SLC25A36: variants seen among roughly 807,000 people sequenced by gnomAD.
The protein encoded by SLC25A36 is solute carrier family 25 member 36, also known as epididymis secretory sperm binding protein.
SLC25A36 carries 24 observed loss-of-function variants against 35.3 expected under a neutral mutation model. The ratio of observed to expected loss-of-function variants is 0.68; its 90% CI spans 0.49 to 0.96. The LOEUF (loss-of-function observed/expected upper bound fraction) is 0.96, where lower values mean the gene tolerates loss of function less well. Among genes scored for constraint, SLC25A36 ranks in the 40% least tolerant of loss-of-function variants. The pLI, the probability that SLC25A36 is intolerant of heterozygous loss-of-function variation, is 0.00. For missense variants in SLC25A36, 294 were observed against 381.1 expected, an observed-to-expected ratio of 0.77 and a Z score of 1.90; for synonymous variants, 141 against 132.2, an observed-to-expected ratio of 1.07 and a Z score of -0.46.
At chr3:140,960,317 C>T (rs984424226) in intron 3 of SLC25A36, among the ~76,000 whole-genome samples, 3 of 152,166 alleles carry the variant, frequency 2.0e-5, no homozygotes, top group Admixed American at 2.0e-4. Flanking sequence ...AATTTTGACT[C>T]TAAGAAAGGT....
chr3:140,956,850 G>A (rs1382871565), intron 2 of SLC25A36, 159 bp downstream of exon 2: 5 of 1,194,386 alleles, frequency 4.2e-6, no homozygotes, highest in Non-Finnish European at 5.4e-6. Flanking sequence ...AATCCCTAAT[G>A]GAGAAGAACA....
chr3:140,967,693 C>T (rs1035442945), intron 4 of SLC25A36, among the ~76,000 whole-genome samples: 20 of 151,864 alleles, frequency 1.3e-4, no homozygotes, highest in African/African-American at 4.8e-4. Flanking sequence ...TTTTTAATTG[C>T]TCGACACTAT....
chr3:140,966,717 A>G (rs1307380915), intron 4 of SLC25A36: 2 of 353,012 alleles, frequency 5.7e-6, no homozygotes, highest in Admixed American at 7.5e-5. Flanking sequence ...TTAGATTCTG[A>G]AACTGCTGCA....
At chr3:140,965,507 G>A (rs1306807331) in intron 4 of SLC25A36, 7 of 151,754 alleles carry the variant, frequency 4.6e-5, no homozygotes, top group East Asian at 1.9e-4. Context: ...GGCACTGTAC[G>A]TAATTTTTAT....
rs145204732 is a variant in SLC25A36, at chr3:140,977,875, G to C, written c.*1422G>C. 2.6e-5 allele frequency: 4 copies of C among 151,568 alleles called. No homozygotes were observed. The highest frequency in any genetic ancestry group is 9.7e-5 in the African/African-American group (4 of 41,214). 9.4% of individuals were successfully genotyped at this position (151,568 alleles called of 1,614,324 possible). On this transcript the variant is annotated 3_prime_UTR_variant, in exon 7 of 7. Coordinates refer to ENST00000324194, the MANE Select transcript of SLC25A36 (RefSeq NM_001104647.3). ...GAATGACGCTTCGTGAAAGCACTTT[G>C]TGGCCTTTTTTGGGGGGGAGGGTGA...
At position 140,963,166 on chromosome 3, in the gene SLC25A36, G is replaced by T. The variant is rs1195000446; in HGVS notation, c.324G>T (p.Lys108Asn). ...YFAAYSNCKEKLNDVFDPDST... is the reference protein window; with the variant it reads ...YFAAYSNCKENLNDVFDPDST... ...CTGCTTATTCAAACTGCAAGGAAAA[G>T]TTGAATGATGTATTTGATCCTGATT... is the stretch of plus-strand genomic sequence containing the variant. The change falls in exon 4 of 7, where the codon AAG (lysine) becomes AAT (asparagine). Residue 108 changes from lysine (K) to asparagine (N), a missense_variant. Around this residue, in one of 2 missense-constraint regions of SLC25A36, gnomAD observed 185 missense variants for 201.5 expected, o/e 0.92. Transcript: ENST00000324194. 3 of 1,593,102 alleles carry T rather than the reference G, an allele frequency of 1.9e-6. No homozygotes were observed. Among genetic ancestry groups the T allele is most frequent in the African/African-American group, 2.7e-5 (2 of 73,554 alleles).
At position 140,950,916 on chromosome 3, in the gene SLC25A36, GTC is replaced by G. The variant is rs1364946604; in HGVS notation, c.42-5609_42-5608del. ...TGTGTGTCTCTGTGTGTGTCTGTGT[GTC>G]TGTGTGTGTGTGTGTGTGTGTGTAA... On this transcript the variant is annotated intron_variant, in intron 1 of 6. Coordinates refer to ENST00000324194, the MANE Select transcript of SLC25A36 (RefSeq NM_001104647.3). 6.9e-3 allele frequency among the ~76,000 whole-genome samples: 817 copies of G among 119,134 alleles called. 3 individuals carry two copies. The highest frequency in any genetic ancestry group is 0.015 in the African/African-American group (381 of 26,218). The allele number at this position is 119,134 out of a possible 152,430, so 78.2% of individuals were successfully genotyped here.
chr3:140,955,196 A>G (rs1437501699), intron 1 of SLC25A36, among the ~76,000 whole-genome samples: 2 of 152,104 alleles, frequency 1.3e-5, no homozygotes, highest in Admixed American at 1.3e-4. Flanking sequence ...AATTTCTTTT[A>G]CATTCTATTC....
intron 4 of SLC25A36, chr3:140,966,238 T>G (rs959283557): frequency 6.1e-6 from 1 of 165,016 alleles, no homozygotes; most frequent in African/African-American, 2.4e-5. Context: ...TATGAAATAT[T>G]TTTTAAAAAT....
intron 1 of SLC25A36, chr3:140,942,644 C>G (rs894185436): frequency 6.6e-6 from 1 of 152,256 alleles, no homozygotes; most frequent in Admixed American, 6.5e-5. Flanking sequence ...GCCCTCGCTC[C>G]TTGCAGCGCT....
At position 140,957,239 on chromosome 3, in the gene SLC25A36, C is replaced by T. The variant is rs546648589; in HGVS notation, c.206+548C>T. Among the ~76,000 whole-genome samples, 5 of 152,270 alleles carry T rather than the reference C, an allele frequency of 3.3e-5. No individual in the cohort carries two copies. In the East Asian group the frequency reaches 7.7e-4, roughly 23 times the overall value. ...TTTCAAAACTATTAAAATTAGGTTT[C>T]GTATGTTTATACTTGTAAATAATGG... On this transcript the variant is annotated intron_variant, in intron 2 of 6. Transcript: ENST00000324194.
rs149690061 is a variant in SLC25A36 at position 140,977,559 on chromosome 3, A to G, written c.*1106A>G. ...ATGAACAAACTGCTTTTGACAAGAA[A>G]TTTATTCTGTCCTAGTTTCCTGCGT... On this transcript the variant is annotated 3_prime_UTR_variant, in exon 7 of 7. Coordinates refer to ENST00000324194, the MANE Select transcript of SLC25A36 (RefSeq NM_001104647.3). 3.9e-5 allele frequency: 6 copies of G among 152,310 alleles called. No individual in the cohort carries two copies. The highest frequency in any genetic ancestry group is 1.2e-4 in the African/African-American group (5 of 41,584). The allele number at this position is 152,310 out of a possible 1,614,324, so 9.4% of individuals were successfully genotyped here. A position where few individuals can be genotyped will look rare whatever the true frequency, so the allele number is the denominator to read the frequency against.
intron 1 of SLC25A36, among the ~76,000 whole-genome samples, chr3:140,947,920 A>G (rs1247341096): frequency 6.6e-6 from 1 of 152,174 alleles, no homozygotes; most frequent in African/African-American, 2.4e-5. Flanking sequence ...AATGATTTGT[A>G]TAGAATTTCA....
At chr3:140,972,707 C>T (rs1431838130) in intron 5 of SLC25A36, 1 of 151,944 alleles carries the variant, frequency 6.6e-6, no homozygotes, top group East Asian at 1.9e-4. Context: ...TTTTAACTTT[C>T]TTGTGAGGAA....
intron 4 of SLC25A36, chr3:140,964,702 A>G (rs1350173922): frequency 3.3e-5 from 5 of 151,916 alleles, no homozygotes; most frequent in African/African-American, 1.2e-4. Flanking sequence ...TCAGATAATT[A>G]TAAAGAAATG....
chr3:140,970,055 A>G (rs974255895), intron 4 of SLC25A36, among the ~76,000 whole-genome samples: 1 of 151,808 alleles, frequency 6.6e-6, no homozygotes, highest in Non-Finnish European at 1.5e-5. Context: ...TTTGTGTGCT[A>G]TTTTTCCATA....
chr3:140,945,233 G>A (rs1317901510), intron 1 of SLC25A36, among the ~76,000 whole-genome samples: 1 of 152,174 alleles, frequency 6.6e-6, no homozygotes, highest in South Asian at 2.1e-4. Context: ...AATCCCAAAT[G>A]TCAGGGCTAC....
chr3:140,955,277 G>A (rs1934449859), intron 1 of SLC25A36, among the ~76,000 whole-genome samples: 1 of 151,908 alleles, frequency 6.6e-6, no homozygotes, highest in African/African-American at 2.4e-5. Flanking sequence ...TATTGTGGAG[G>A]TAGAATTGTT....
intron 4 of SLC25A36, chr3:140,966,147 T>C (rs1313474674): frequency 6.5e-6 from 1 of 153,144 alleles, no homozygotes; most frequent in Non-Finnish European, 1.5e-5. Flanking sequence ...CAGTTATTTT[T>C]CAATTTATGT....
Sources: gnomAD v4.1 joint callset for allele counts (sites outside exome capture counted in the v4.1 genomes callset) on GRCh38, gnomAD v4.1.1 for gene constraint, gnomAD v4.1.1 regional missense constraint, MANE v1.5 for transcripts, NCBI Gene and HGNC (gene_info 2026-07-23, HGNC 2026-07-21) for gene names.